KCNK2: variants seen among roughly 807,000 people sequenced by gnomAD.
KCNK2 encodes potassium channel subfamily K member 2.
In KCNK2, 21 loss-of-function variants were observed where a neutral mutation model predicts 40.5. The ratio of observed to expected loss-of-function variants is 0.52; its 90% confidence interval spans 0.37 to 0.75. The LOEUF is 0.75. Among genes scored for constraint, KCNK2 ranks in the 30% least tolerant of loss-of-function variants. The pLI is 0.00. For missense variants in KCNK2, 399 were observed against 531.6 expected, an observed-to-expected ratio of 0.75 and a Z score of 2.45; for synonymous variants, 191 against 202.2, an observed-to-expected ratio of 0.94 and a Z score of 0.47.
At chr1:215,182,144 TG>T (rs1202942531) in intron 5 of KCNK2, among the ~76,000 whole-genome samples, 2 of 151,366 alleles carry the variant, frequency 1.3e-5, no homozygotes, top group Non-Finnish European at 2.9e-5. Context: ...AAAGGAGGGG[TG>T]GGATGACTCA....
intron 3 of KCNK2, among the ~76,000 whole-genome samples, chr1:215,157,457 T>C (rs988333536): frequency 1.3e-5 from 2 of 152,200 alleles, no homozygotes; most frequent in African/African-American, 4.8e-5. Flanking sequence ...GCGTCATTAA[T>C]CTGCAATCTT....
In KCNK2 at chr1:215,125,772, AT is replaced by A. The variant is rs1220651645; in HGVS notation, c.475+1023del. On this transcript the variant is annotated intron_variant, in intron 3 of 6. Transcript: ENST00000444842. The stretch of plus-strand genomic sequence containing the variant: ...TATATATATATATATATATATATAT[AT>A]ATATAAAATAAAATTTGAAAAAAAA... Among the ~76,000 whole-genome samples, 176 of 92,432 alleles carry A rather than the reference AT, an allele frequency of 1.9e-3. 3 individuals are homozygous for A. The highest frequency in any genetic ancestry group is 5.9e-3 in the South Asian group (17 of 2,896). The allele number at this position is 92,432 out of a possible 152,430, so 60.6% of individuals were successfully genotyped here.
upstream of KCNK2, among the ~76,000 whole-genome samples, chr1:215,079,423 G>A (rs1345750193): frequency 6.6e-6 from 1 of 152,206 alleles, no homozygotes; most frequent in Non-Finnish European, 1.5e-5. Context: ...TATGACTGGA[G>A]CAGGAGGAAG....
chr1:215,141,149 C>T (rs1662155322), intron 3 of KCNK2, among the ~76,000 whole-genome samples: 3 of 152,098 alleles, frequency 2.0e-5, no homozygotes, highest in Non-Finnish European at 4.4e-5. Flanking sequence ...GAGCTGTCAT[C>T]TCCTATGATA....
chr1:215,165,181 C>T (rs1042624478), intron 3 of KCNK2, among the ~76,000 whole-genome samples: 2 of 152,152 alleles, frequency 1.3e-5, no homozygotes, highest in East Asian at 3.9e-4. Flanking sequence ...CCATAGCTTG[C>T]ACCAATTGAT....
intron 1 of KCNK2, among the ~76,000 whole-genome samples, chr1:215,012,547 CA>C (rs1656440742): frequency 1.3e-5 from 2 of 151,660 alleles, no homozygotes; most frequent in African/African-American, 4.8e-5. Flanking sequence ...TCATAGTTCA[CA>C]GCAGCCTCTA....
chr1:215,086,362 T>TGTCA lies in KCNK2; in HGVS notation c.47-3_47dup. The stretch of plus-strand genomic sequence containing the variant: ...CAACCTAACCCTCATTCTCTGTTGT[T>TGTCA]GTCAGTGGCGGCACCTGACTTGCTG... On this transcript the variant is annotated splice_polypyrimidine_tract_variant and splice_region_variant and intron_variant, in intron 1 of 6. Coordinates refer to ENST00000444842, the MANE Select transcript of KCNK2 (RefSeq NM_001017425.3). The TGTCA allele has an allele frequency of 6.2e-7, 1 of 1,612,200 alleles. No individual in the cohort carries two copies. The highest frequency in any genetic ancestry group is 8.5e-7 in the Non-Finnish European group (1 of 1,178,548).
rs564332397 is a variant in KCNK2, at chr1:215,194,278, A to C, written c.824-675A>C. Among the ~76,000 whole-genome samples the C allele has an allele frequency of 2.6e-5, 4 of 152,310 alleles. No homozygotes were observed. In the South Asian group the frequency reaches 6.2e-4, roughly 24 times the overall value. Reference sequence around the variant, plus strand: ...TTCAAGGATTAGAGTAAAAAAAAACAAGAGCCTTGCCAATATTTTTTTTCT... The same window carrying C: ...TTCAAGGATTAGAGTAAAAAAAAACCAGAGCCTTGCCAATATTTTTTTTCT... On this transcript the variant is annotated intron_variant, in intron 5 of 6. Coordinates refer to ENST00000444842, the MANE Select transcript of KCNK2 (RefSeq NM_001017425.3).
At chr1:215,014,547 A>G (rs554748379) in intron 1 of KCNK2, among the ~76,000 whole-genome samples, 1 of 152,122 alleles carries the variant, frequency 6.6e-6, no homozygotes, top group South Asian at 2.1e-4. Context: ...TCAAGAGGGT[A>G]GTAGTCTAGA....
chr1:215,111,950 T>TTTTTTTTTTTTTTTTTTTTTGAGACGG (rs1292734451), intron 2 of KCNK2, among the ~76,000 whole-genome samples: 1 of 150,464 alleles, frequency 6.6e-6, no homozygotes, highest in Non-Finnish European at 1.5e-5. Context: ...ATCTTTTTTA[T>TTTTTTTTTTTTTTTTTTTTTGAGACGG]AGTTGTGCGT....
chr1:215,110,527 G>T (rs927083970), intron 2 of KCNK2, among the ~76,000 whole-genome samples: 1 of 151,974 alleles, frequency 6.6e-6, no homozygotes, highest in Admixed American at 6.6e-5. Context: ...GATTATATAT[G>T]CATAGCTTTA....
intron 6 of KCNK2, among the ~76,000 whole-genome samples, chr1:215,230,100 C>T (rs1433614532): frequency 0.015 from 513 of 35,296 alleles, 12 homozygotes; most frequent in Middle Eastern, 0.027. Flanking sequence ...TATACACACA[C>T]ACACACACAC....
chr1:215,093,035 G>T (rs545396392), intron 2 of KCNK2, among the ~76,000 whole-genome samples: 1 of 152,064 alleles, frequency 6.6e-6, no homozygotes, highest in Non-Finnish European at 1.5e-5. Flanking sequence ...TGGAGTTTGC[G>T]GGAGGGGCCA....
rs546195039 is a variant in KCNK2, at chr1:215,210,860, TC to T, written c.963+15769del. 6.6e-3 allele frequency among the ~76,000 whole-genome samples: 163 copies of T among 24,816 alleles called. 1 individual carries two copies. The highest frequency in any genetic ancestry group is 0.01 in the African/African-American group (159 of 15,436). 16.3% of individuals were successfully genotyped at this position (24,816 alleles called of 152,430 possible). On this transcript the variant is annotated intron_variant, in intron 6 of 6. Coordinates refer to ENST00000444842, the MANE Select transcript of KCNK2 (RefSeq NM_001017425.3). ...AGAAGGTACTACCCCGACTTATCTCTCTTCCTGTTTTACATTTCATCTATCA... is the reference window on the plus strand; with the variant it reads ...AGAAGGTACTACCCCGACTTATCTCTTTCCTGTTTTACATTTCATCTATCA...
chr1:215,159,855 T>A (rs1202422291), intron 3 of KCNK2, among the ~76,000 whole-genome samples: 1 of 152,188 alleles, frequency 6.6e-6, no homozygotes, highest in Non-Finnish European at 1.5e-5. Flanking sequence ...TAGGACAAGC[T>A]AATATCATAT....
chr1:215,078,911 A>T (rs918642944), upstream of KCNK2, among the ~76,000 whole-genome samples: 10 of 152,342 alleles, frequency 6.6e-5, no homozygotes, highest in African/African-American at 2.4e-4. Flanking sequence ...ATATGATTGG[A>T]ACTGCAAGAA....
intron 1 of KCNK2, among the ~76,000 whole-genome samples, chr1:215,018,075 A>G (rs1297234667): frequency 6.6e-6 from 1 of 152,210 alleles, no homozygotes; most frequent in Non-Finnish European, 1.5e-5. Context: ...TTGAGAACAT[A>G]TATAATAAAG....
intron 1 of KCNK2, among the ~76,000 whole-genome samples, chr1:215,065,567 T>C (rs61818290): frequency 0.011 from 1,700 of 152,258 alleles, 40 homozygotes; most frequent in South Asian, 0.097. Flanking sequence ...AATGCCTCAG[T>C]TTCATGTTAA....
At chr1:215,234,237 CTTAG>C (rs996591232) in intron 6 of KCNK2, among the ~76,000 whole-genome samples, 2 of 152,108 alleles carry the variant, frequency 1.3e-5, no homozygotes, top group African/African-American at 2.4e-5. Context: ...TATTTTGTTG[CTTAG>C]TTAGGAAAAA....
Sources: gnomAD v4.1 joint callset for allele counts (sites outside exome capture counted in the v4.1 genomes callset) on GRCh38, gnomAD v4.1.1 for gene constraint, MANE v1.5 for transcripts, NCBI Gene and HGNC (gene_info 2026-07-23, HGNC 2026-07-21) for gene names.